The following TENM2 variants were observed in gnomAD, a reference collection of about 807,000 sequenced individuals.
TENM2 encodes teneurin-2.
In TENM2, 52 loss-of-function variants were observed where a neutral mutation model predicts 245.2. That is an observed-to-expected ratio of 0.21 (90% CI 0.17 to 0.27). TENM2 has a LOEUF of 0.27. Among genes scored for constraint, TENM2 ranks in the 10% least tolerant of loss-of-function variants. TENM2 has a pLI of 1.00. For synonymous variants in TENM2, 1,363 were observed against 1,438.9 expected (o/e 0.95, Z 1.19); for missense variants, 3,046 against 3,666.8 (o/e 0.83, Z 4.37).
chr5:167,185,578 C>T, the TENM2 span, among the ~76,000 whole-genome samples: 7 of 152,034 alleles, frequency 4.6e-5, no homozygotes, highest in East Asian at 1.9e-4. Flanking sequence ...AACCCATCAG[C>T]GATCACTATC....
chr5:167,901,423 C>A (rs75646644), intron 3 of TENM2, among the ~76,000 whole-genome samples: 163 of 152,286 alleles, frequency 1.1e-3, no homozygotes, highest in African/African-American at 3.6e-3. Flanking sequence ...CCTAAGGACA[C>A]TTCTATCATA....
the TENM2 span, among the ~76,000 whole-genome samples, chr5:167,074,408 A>G: frequency 6.6e-6 from 1 of 152,190 alleles, no homozygotes; most frequent in African/African-American, 2.4e-5. Context: ...CAGGGTGAAG[A>G]CATGAACACT....
the TENM2 span, among the ~76,000 whole-genome samples, chr5:167,108,076 G>A: frequency 6.6e-6 from 1 of 152,066 alleles, no homozygotes; most frequent in Non-Finnish European, 1.5e-5. Context: ...TGCTTTCGTT[G>A]TAGTCATCCA....
intron 5 of TENM2, among the ~76,000 whole-genome samples, chr5:168,016,281 A>C (rs1039525176): frequency 6.6e-6 from 1 of 152,220 alleles, no homozygotes; most frequent in Non-Finnish European, 1.5e-5. Context: ...ACACCCGTGC[A>C]CTGAACCATA....
intron 4 of TENM2, among the ~76,000 whole-genome samples, chr5:167,977,550 G>C (rs773251874): frequency 6.6e-6 from 1 of 152,160 alleles, no homozygotes; most frequent in Non-Finnish European, 1.5e-5. Flanking sequence ...AGAGCCTGCT[G>C]ACTTGGGGAT....
chr5:167,258,214 T>TAC, the TENM2 span, among the ~76,000 whole-genome samples: 865 of 143,134 alleles, frequency 6.0e-3, 1 homozygote, highest in East Asian at 0.022. Context: ...TATATATATA[T>TAC]GTATATATAT....
intron 2 of TENM2, among the ~76,000 whole-genome samples, chr5:167,543,159 C>A (rs1255918056): frequency 6.6e-6 from 1 of 152,156 alleles, no homozygotes; most frequent in African/African-American, 2.4e-5. Flanking sequence ...TTAAGCACTT[C>A]CGTTTAGAGA....
At chr5:168,195,319 A>G (rs1761316033) in intron 15 of TENM2, 24 bp downstream of exon 17, 1 of 1,562,828 alleles carries the variant, frequency 6.4e-7, no homozygotes, top group East Asian at 2.4e-5. Flanking sequence ...TGGGGCTCGG[A>G]CCTACTCAGG....
At position 167,705,997 on chromosome 5, in the gene TENM2, T is replaced by A. The variant is rs867905235; in HGVS notation, c.503-169989T>A. On this transcript the variant is annotated intron_variant, in intron 2 of 28. Coordinates refer to ENST00000518659, the Ensembl canonical transcript of TENM2. ...TATATATATATATATATATATTTAT[T>A]TATTTATTTATTTACTTATTTATAT... Among the ~76,000 whole-genome samples, 902 of 128,752 alleles carry A rather than the reference T, an allele frequency of 7.0e-3. 9 individuals are homozygous for A. The highest frequency in any genetic ancestry group is 0.03 in the African/African-American group (822 of 27,036). The allele number at this position is 128,752 out of a possible 152,430, so 84.5% of individuals were successfully genotyped here. A position where few individuals can be genotyped will look rare whatever the true frequency, so the allele number is the denominator to read the frequency against.
intron 2 of TENM2, among the ~76,000 whole-genome samples, chr5:167,751,987 C>A (rs1199480999): frequency 1.3e-5 from 2 of 151,850 alleles, no homozygotes; most frequent in East Asian, 3.9e-4. Context: ...TGCGCGCACA[C>A]GATTGTGCAA....
chr5:168,123,533 T>C (rs1161842707), intron 10 of TENM2, among the ~76,000 whole-genome samples: 3 of 152,210 alleles, frequency 2.0e-5, no homozygotes, highest in African/African-American at 7.2e-5. Flanking sequence ...CATAAGACGG[T>C]ACGCATACAC....
chr5:168,209,209 T>C (rs2152548053), intron 19 of TENM2, among the ~76,000 whole-genome samples: 1 of 152,340 alleles, frequency 6.6e-6, no homozygotes, highest in East Asian at 1.9e-4. Flanking sequence ...AGTTATAAAA[T>C]TGGGGAAAAT....
chr5:167,342,673 G>A (rs1202270843), intron 1 of TENM2, among the ~76,000 whole-genome samples: 2 of 151,278 alleles, frequency 1.3e-5, no homozygotes, highest in African/African-American at 4.8e-5. Context: ...GACTACAGGC[G>A]CCCGCCACTG....
At position 167,780,515 on chromosome 5, in the gene TENM2, C is replaced by A. The variant is rs116414730; in HGVS notation, c.503-95471C>A. ...TGGTGATTTTGCTGTTTAAAATGGCCCCTGAGCATATTGCTTGAGTGCTGT... is the reference window on the plus strand; with the variant it reads ...TGGTGATTTTGCTGTTTAAAATGGCACCTGAGCATATTGCTTGAGTGCTGT... On this transcript the variant is annotated intron_variant, in intron 2 of 28. Transcript: ENST00000518659. Among the ~76,000 whole-genome samples, 682 of 152,142 alleles carry A rather than the reference C, an allele frequency of 4.5e-3. 7 individuals are homozygous for A. Among genetic ancestry groups the A allele is most frequent in the African/African-American group, 0.015 (637 of 41,500 alleles).
intron 2 of TENM2, among the ~76,000 whole-genome samples, chr5:167,828,414 G>A (rs567419040): frequency 3.9e-4 from 59 of 152,282 alleles, no homozygotes; most frequent in African/African-American, 1.3e-3. Flanking sequence ...CATTTTAAGC[G>A]ATAGTCTGCA....
At chr5:168,077,084 G>C (rs888361172) in intron 7 of TENM2, among the ~76,000 whole-genome samples, 1 of 152,132 alleles carries the variant, frequency 6.6e-6, no homozygotes, top group Non-Finnish European at 1.5e-5. Flanking sequence ...TGCAAAACAG[G>C]AATAATTTGT....
chr5:168,237,092 T>C (rs1387298742), intron 25 of TENM2, among the ~76,000 whole-genome samples: 3 of 129,008 alleles, frequency 2.3e-5, no homozygotes, highest in African/African-American at 8.9e-5. Context: ...CTCGGATCAC[T>C]GCAACCTCCA....
intron 9 of TENM2, 92 bp from the exon 12 acceptor site, chr5:168,118,200 C>T (rs2152334070): frequency 9.0e-7 from 1 of 1,111,460 alleles, no homozygotes; most frequent in Non-Finnish European, 1.2e-6. Context: ...TAAGCCAAGC[C>T]CCAAGGCCAG....
intron 2 of TENM2, among the ~76,000 whole-genome samples, chr5:167,521,776 G>A (rs74580202): frequency 0.033 from 5,011 of 152,162 alleles, 288 homozygotes; most frequent in African/African-American, 0.11. Context: ...TTAGAAAGGT[G>A]TAAAACTTAG....
Sources: gnomAD v4.1 joint callset for allele counts (sites outside exome capture counted in the v4.1 genomes callset) on GRCh38, gnomAD v4.1.1 for gene constraint, MANE v1.5 for transcripts, NCBI Gene and HGNC (gene_info 2026-07-23, HGNC 2026-07-21) for gene names.